The following SAMD5 variants were observed in gnomAD, a reference collection of about 807,000 sequenced individuals.
SAMD5 encodes the protein sterile alpha motif domain containing 5.
Under a neutral mutation model 11.3 loss-of-function variants are expected in SAMD5, and 13 were observed. That is an observed-to-expected ratio of 1.15 (90% confidence interval 0.75 to 1.83). The LOEUF is 1.83. SAMD5 is among the 40% of genes most tolerant of loss of function. The pLI is 0.00. For missense variants in SAMD5, 255 were observed against 239.1 expected, an observed-to-expected ratio of 1.07 and a Z score of -0.44; for synonymous variants, 129 against 111.3, an observed-to-expected ratio of 1.16 and a Z score of -1.00.
At chr6:147,778,508 T>A in the SAMD5 span, among the ~76,000 whole-genome samples, 1 of 152,174 alleles carries the variant, frequency 6.6e-6, no homozygotes, top group Non-Finnish European at 1.5e-5. Flanking sequence ...TATCTGTCAA[T>A]GGCATCTCCA....
the SAMD5 span, among the ~76,000 whole-genome samples, chr6:147,918,629 A>G: frequency 6.6e-6 from 1 of 151,720 alleles, no homozygotes; most frequent in Non-Finnish European, 1.5e-5. Context: ...CCTTAAGCTG[A>G]TAAGCAACTT....
chr6:147,840,932 G>GA, the SAMD5 span, among the ~76,000 whole-genome samples: 1 of 152,194 alleles, frequency 6.6e-6, no homozygotes, highest in African/African-American at 2.4e-5. Flanking sequence ...TGGGAAGAAG[G>GA]AGAGTTTTGT....
the SAMD5 span, among the ~76,000 whole-genome samples, chr6:147,799,067 C>T: frequency 3.3e-5 from 5 of 151,902 alleles, no homozygotes; most frequent in Admixed American, 1.3e-4. Flanking sequence ...AGTCCATTTA[C>T]ATTTAAAGTT....
At chr6:147,668,166 CTT>C (rs1790747343) in intron 1 of SAMD5, among the ~76,000 whole-genome samples, 1 of 152,272 alleles carries the variant, frequency 6.6e-6, no homozygotes, top group South Asian at 2.1e-4. Flanking sequence ...CAGAAGGAAA[CTT>C]TGTTAAACAT....
At chr6:147,837,988 C>A in the SAMD5 span, among the ~76,000 whole-genome samples, 3 of 151,900 alleles carry the variant, frequency 2.0e-5, no homozygotes, top group African/African-American at 7.3e-5. Flanking sequence ...TTCTTCCAGT[C>A]ACCGCCCTCA....
intron 1 of SAMD5, among the ~76,000 whole-genome samples, chr6:147,686,190 A>G (rs1185158525): frequency 3.3e-5 from 5 of 152,152 alleles, no homozygotes; most frequent in Non-Finnish European, 4.4e-5. Flanking sequence ...TATTATTGGA[A>G]TTAGTATTTC....
intron 1 of SAMD5, among the ~76,000 whole-genome samples, chr6:147,726,273 A>G (rs1791625229): frequency 6.6e-6 from 1 of 152,204 alleles, no homozygotes; most frequent in South Asian, 2.1e-4. Flanking sequence ...CTTGGTAAAT[A>G]TCACTTACAT....
At chr6:147,646,443 C>T (rs1790402990) in intron 1 of SAMD5, among the ~76,000 whole-genome samples, 1 of 152,208 alleles carries the variant, frequency 6.6e-6, no homozygotes, top group Non-Finnish European at 1.5e-5. Flanking sequence ...ACTATCACTT[C>T]TTAATCTCAA....
the SAMD5 span, among the ~76,000 whole-genome samples, chr6:147,910,842 T>C: frequency 6.6e-6 from 1 of 152,266 alleles, no homozygotes; most frequent in African/African-American, 2.4e-5. Context: ...AAATATATTT[T>C]GTAATGATGT....
chr6:147,886,788 A>G, the SAMD5 span, among the ~76,000 whole-genome samples: 2 of 152,220 alleles, frequency 1.3e-5, no homozygotes, highest in Non-Finnish European at 2.9e-5. Context: ...GTCACATGAC[A>G]GGAAGCTGTG....
the SAMD5 span, among the ~76,000 whole-genome samples, chr6:147,875,790 A>T: frequency 1.3e-5 from 2 of 152,170 alleles, no homozygotes; most frequent in East Asian, 3.9e-4. Context: ...CCAGTGCCTG[A>T]TGATCTGTCA....
the SAMD5 span, among the ~76,000 whole-genome samples, chr6:147,816,301 A>AAAAAAAAAAAAAATATAT: frequency 6.0e-5 from 4 of 66,358 alleles, no homozygotes; most frequent in African/African-American, 3.1e-4. Context: ...AAAAAAAAAA[A>AAAAAAAAAAAAAATATAT]ATATATATAT....
the SAMD5 span, among the ~76,000 whole-genome samples, chr6:147,807,806 G>A: frequency 6.6e-6 from 1 of 152,076 alleles, no homozygotes; most frequent in Admixed American, 6.6e-5. Context: ...TTTGCATAAG[G>A]GCATGTGTAT....
the SAMD5 span, among the ~76,000 whole-genome samples, chr6:147,769,369 G>A: frequency 2.0e-5 from 3 of 151,240 alleles, no homozygotes; most frequent in African/African-American, 7.3e-5. Context: ...CTTTCTTTTT[G>A]TGTATACACC....
chr6:147,926,008 A>C, the SAMD5 span, among the ~76,000 whole-genome samples: 1 of 152,246 alleles, frequency 6.6e-6, no homozygotes, highest in African/African-American at 2.4e-5. Context: ...TCCTGCAAAA[A>C]ACATGATCTT....
intron 1 of SAMD5, among the ~76,000 whole-genome samples, chr6:147,655,139 T>C (rs1790546888): frequency 6.7e-6 from 1 of 150,228 alleles, no homozygotes; most frequent in Non-Finnish European, 1.5e-5. Context: ...TAATGTTTCA[T>C]TTCAGGCTAG....
At chr6:147,627,584 GC>G (rs1790076883) in intron 1 of SAMD5, among the ~76,000 whole-genome samples, 1 of 152,114 alleles carries the variant, frequency 6.6e-6, no homozygotes, top group Non-Finnish European at 1.5e-5. Flanking sequence ...ATTACACACT[GC>G]CCGGTGTGAA....
chr6:147,800,725 T>C, the SAMD5 span, among the ~76,000 whole-genome samples: 1 of 151,366 alleles, frequency 6.6e-6, no homozygotes, highest in South Asian at 2.1e-4. Flanking sequence ...TAATGAATTA[T>C]TACTGTTTTA....
intron 1 of SAMD5, among the ~76,000 whole-genome samples, chr6:147,518,037 C>T (rs1194410585): frequency 6.6e-6 from 1 of 152,062 alleles, no homozygotes. Context: ...AGTCAATTCC[C>T]CATGTATTTG....
Sources: gnomAD v4.1 joint callset for allele counts (sites outside exome capture counted in the v4.1 genomes callset) on GRCh38, gnomAD v4.1.1 for gene constraint, MANE v1.5 for transcripts, NCBI Gene and HGNC (gene_info 2026-07-23, HGNC 2026-07-21) for gene names.